Variants in LINGO2 observed in about 807,000 individuals in gnomAD.
LINGO2 encodes leucine rich repeat and Ig domain containing 2.
In LINGO2, 14 loss-of-function variants were observed where a neutral mutation model predicts 30.6. The observed-to-expected ratio is 0.46, with a 90% CI of 0.30 to 0.72. The LOEUF (loss-of-function observed/expected upper bound fraction) is 0.72. Among genes scored for constraint, LINGO2 ranks in the 30% least tolerant of loss-of-function variants. The pLI is 0.07. For synonymous variants in LINGO2, 317 were observed against 288.5 expected (o/e 1.10, Z -1.00); for missense variants, 729 against 751.7 (o/e 0.97, Z 0.35).
chr9:28,505,146 A>ATGAT (rs550158153), intron 1 of LINGO2, among the ~76,000 whole-genome samples: 149 of 152,086 alleles, frequency 9.8e-4, no homozygotes, highest in African/African-American at 3.3e-3. Context: ...ACCAACTATA[A>ATGAT]TGATTTGGCC....
At chr9:28,045,107 T>C (rs946806169) in intron 4 of LINGO2, among the ~76,000 whole-genome samples, 1 of 151,874 alleles carries the variant, frequency 6.6e-6, no homozygotes, top group Non-Finnish European at 1.5e-5. Context: ...TTGAGACTTT[T>C]TCCCCCCCAT....
At chr9:28,139,036 C>T (rs1486357441) in intron 4 of LINGO2, among the ~76,000 whole-genome samples, 1 of 152,214 alleles carries the variant, frequency 6.6e-6, no homozygotes, top group Non-Finnish European at 1.5e-5. Flanking sequence ...AGGCAGTGGT[C>T]TGTTCAGTCA....
At chr9:28,926,295 T>G in the LINGO2 span, among the ~76,000 whole-genome samples, 1 of 151,950 alleles carries the variant, frequency 6.6e-6, no homozygotes, top group African/African-American at 2.4e-5. Flanking sequence ...GCCTGGGGGA[T>G]AGAGCAAGAC....
chr9:29,080,940 T>C, the LINGO2 span, among the ~76,000 whole-genome samples: 1 of 151,962 alleles, frequency 6.6e-6, no homozygotes, highest in African/African-American at 2.4e-5. Context: ...TTGGGGTGGA[T>C]TGTTCTGTAG....
chr9:29,044,634 T>C, the LINGO2 span, among the ~76,000 whole-genome samples: 3 of 152,110 alleles, frequency 2.0e-5, no homozygotes, highest in African/African-American at 7.2e-5. Context: ...TATATTTGAA[T>C]GAGGTTAGTC....
At chr9:28,997,517 G>A in the LINGO2 span, among the ~76,000 whole-genome samples, 1 of 151,992 alleles carries the variant, frequency 6.6e-6, no homozygotes, top group South Asian at 2.1e-4. Context: ...TACATAAGAA[G>A]GTCTCCTAAA....
At chr9:27,971,281 C>T (rs777007137) in intron 5 of LINGO2, among the ~76,000 whole-genome samples, 2 of 151,538 alleles carry the variant, frequency 1.3e-5, no homozygotes, top group Non-Finnish European at 2.9e-5. Flanking sequence ...ATTATGCCCT[C>T]TTCCCTTCCC....
chr9:28,558,688 C>A (rs1363607186), intron 1 of LINGO2, among the ~76,000 whole-genome samples: 1 of 151,958 alleles, frequency 6.6e-6, no homozygotes, highest in Non-Finnish European at 1.5e-5. Context: ...TCGTAATGAA[C>A]ACTGGGGGGC....
chr9:28,851,742 C>A, the LINGO2 span, among the ~76,000 whole-genome samples: 1 of 151,776 alleles, frequency 6.6e-6, no homozygotes, highest in South Asian at 2.1e-4. Context: ...TTATTATAAC[C>A]CTCATTGAAG....
chr9:28,766,838 AAGAG>A, the LINGO2 span, among the ~76,000 whole-genome samples: 4 of 128,412 alleles, frequency 3.1e-5, no homozygotes, highest in East Asian at 2.0e-4. Flanking sequence ...GAAGGAGAGA[AAGAG>A]AGAGAGAGAG....
the LINGO2 span, among the ~76,000 whole-genome samples, chr9:28,853,949 AT>A: frequency 6.6e-6 from 1 of 151,986 alleles, no homozygotes; most frequent in Admixed American, 6.6e-5. Context: ...AGAAAAAAAA[AT>A]CTATGTCTTC....
the LINGO2 span, among the ~76,000 whole-genome samples, chr9:29,073,326 C>T: frequency 6.6e-6 from 1 of 151,966 alleles, no homozygotes; most frequent in Non-Finnish European, 1.5e-5. Flanking sequence ...CATACATTTG[C>T]AGAGTACCTA....
At chr9:28,781,260 C>T in the LINGO2 span, among the ~76,000 whole-genome samples, 1 of 152,062 alleles carries the variant, frequency 6.6e-6, no homozygotes, top group Non-Finnish European at 1.5e-5. Flanking sequence ...CAAATACAGG[C>T]AGTGCAGCCA....
At chr9:28,506,457 T>TAC (rs1820128132) in intron 1 of LINGO2, among the ~76,000 whole-genome samples, 1 of 17,216 alleles carries the variant, frequency 5.8e-5, no homozygotes, top group Non-Finnish European at 3.2e-4. Context: ...CACACACACA[T>TAC]ACACATACAC....
At chr9:28,800,299 T>G in the LINGO2 span, among the ~76,000 whole-genome samples, 1 of 152,024 alleles carries the variant, frequency 6.6e-6, no homozygotes, top group East Asian at 1.9e-4. Context: ...AATGGAGAAA[T>G]GTTTCTATTT....
chr9:28,334,066 G>T (rs372807727), intron 3 of LINGO2, among the ~76,000 whole-genome samples: 1 of 152,118 alleles, frequency 6.6e-6, no homozygotes, highest in African/African-American at 2.4e-5. Flanking sequence ...GCTGCAGTTT[G>T]CTTCTTTGTA....
chr9:27,950,855 C>G, intron 5 of LINGO2, 149 bp from the exon 7 acceptor site: 1 of 413,594 alleles, frequency 2.4e-6, no homozygotes, highest in Non-Finnish European at 4.2e-6. Flanking sequence ...GGACGACCCT[C>G]TTAGTAACAG....
At chr9:28,100,934 G>A (rs1826396834) in intron 4 of LINGO2, among the ~76,000 whole-genome samples, 1 of 152,056 alleles carries the variant, frequency 6.6e-6, no homozygotes, top group Non-Finnish European at 1.5e-5. Flanking sequence ...ATTTTAGAGG[G>A]TCATTGCATC....
At chr9:29,105,350 C>T in the LINGO2 span, among the ~76,000 whole-genome samples, 2 of 152,244 alleles carry the variant, frequency 1.3e-5, no homozygotes, top group South Asian at 4.1e-4. Context: ...TATAGAAATG[C>T]TTACAGAAGG....
Sources: gnomAD v4.1 joint callset for allele counts (sites outside exome capture counted in the v4.1 genomes callset) on GRCh38, gnomAD v4.1.1 for gene constraint, MANE v1.5 for transcripts, NCBI Gene and HGNC (gene_info 2026-07-23, HGNC 2026-07-21) for gene names.